The following SLC4A4 variants were observed in gnomAD, a reference collection of about 807,000 sequenced individuals.
SLC4A4 encodes electrogenic sodium bicarbonate cotransporter 1.
In SLC4A4, 27 loss-of-function variants were observed where a neutral mutation model predicts 111.5. The ratio of observed to expected loss-of-function variants is 0.24; its 90% CI spans 0.18 to 0.33. SLC4A4 has a LOEUF of 0.33. Among genes scored for constraint, SLC4A4 ranks in the 10% least tolerant of loss-of-function variants. The pLI is 1.00. For synonymous variants in SLC4A4, 443 were observed against 463.4 expected, an observed-to-expected ratio of 0.96 and a Z score of 0.57; for missense variants, 909 against 1,315.5, an observed-to-expected ratio of 0.69 and a Z score of 4.78.
At chr4:71,311,505 G>A (rs1019727600) in intron 3 of SLC4A4, among the ~76,000 whole-genome samples, 1 of 152,148 alleles carries the variant, frequency 6.6e-6, no homozygotes, top group Admixed American at 6.5e-5. Flanking sequence ...AGACCACAGT[G>A]CAATCAAATT....
In SLC4A4 at chr4:71,429,232, G is replaced by T. The variant is rs139776967; in HGVS notation, c.808-11384G>T. ...TGAACTGCTTTCATAGAAGGCAGAA[G>T]AATCCAAGACCTGAGTGGAGTGTGA... On this transcript the variant is annotated intron_variant, in intron 7 of 25. Coordinates refer to ENST00000264485, the MANE Select transcript of SLC4A4 (RefSeq NM_001098484.3). 2.1e-3 allele frequency among the ~76,000 whole-genome samples: 324 copies of T among 152,194 alleles called. 3 individuals are homozygous for T. Among genetic ancestry groups the T allele is most frequent in the African/African-American group, 7.2e-3 (299 of 41,556 alleles).
At chr4:71,158,807 G>A (rs916837983) in intron 2 of SLC4A4, among the ~76,000 whole-genome samples, 89 of 152,232 alleles carry the variant, frequency 5.8e-4, no homozygotes, top group African/African-American at 2.0e-3. Flanking sequence ...AAGTATGTGT[G>A]GGCCACCAGC....
At chr4:71,255,521 T>C (rs1364546971) in intron 3 of SLC4A4, 122 bp downstream of exon 3, 1 of 1,030,466 alleles carries the variant, frequency 9.7e-7, no homozygotes, top group African/African-American at 1.6e-5. Flanking sequence ...GTTTAGAATC[T>C]GTTCTAAAGG....
intron 6 of SLC4A4, among the ~76,000 whole-genome samples, chr4:71,374,338 A>C (rs965288915): frequency 1.3e-5 from 2 of 152,330 alleles, no homozygotes; most frequent in South Asian, 4.1e-4. Flanking sequence ...TTCCAAGTAC[A>C]ACTTTAAAAA....
chr4:71,074,074 G>A (rs1283898008), intron 1 of SLC4A4, among the ~76,000 whole-genome samples: 1 of 152,128 alleles, frequency 6.6e-6, no homozygotes, highest in Non-Finnish European at 1.5e-5. Context: ...TACTATAAGA[G>A]AGATTTGCTT....
intron 1 of SLC4A4, among the ~76,000 whole-genome samples, chr4:71,091,331 C>T (rs1238352582): frequency 1.3e-5 from 2 of 150,348 alleles, no homozygotes; most frequent in Non-Finnish European, 2.9e-5. Flanking sequence ...TGGCTCACTG[C>T]AAGCTCCGCA....
intron 15 of SLC4A4, among the ~76,000 whole-genome samples, chr4:71,489,376 G>C (rs1001852881): frequency 6.6e-6 from 1 of 151,738 alleles, no homozygotes; most frequent in African/African-American, 2.4e-5. Flanking sequence ...CAGACTGCCT[G>C]GTTCAAGTGC....
At chr4:71,439,385 G>GCCACTGCA (rs1724471882) in intron 7 of SLC4A4, among the ~76,000 whole-genome samples, 1 of 119,014 alleles carries the variant, frequency 8.4e-6, no homozygotes. Flanking sequence ...CCGAGATCGC[G>GCCACTGCA]CCACTGCACC....
At chr4:71,198,724 G>T (rs1746120253) in intron 1 of SLC4A4, among the ~76,000 whole-genome samples, 1 of 152,192 alleles carries the variant, frequency 6.6e-6, no homozygotes, top group African/African-American at 2.4e-5. Context: ...GCTTTAGGAG[G>T]CTGAGGCAGG....
At chr4:71,130,693 A>G (rs930550122) in intron 2 of SLC4A4, among the ~76,000 whole-genome samples, 19 of 152,102 alleles carry the variant, frequency 1.2e-4, no homozygotes, top group African/African-American at 4.6e-4. Context: ...TTATTGTATT[A>G]TTTGTTGTAA....
chr4:71,164,254 G>A (rs916401496), intron 2 of SLC4A4, among the ~76,000 whole-genome samples: 4 of 152,038 alleles, frequency 2.6e-5, no homozygotes, highest in Admixed American at 1.3e-4. Context: ...GGTGACGCAT[G>A]ACTGTAATCC....
intron 7 of SLC4A4, among the ~76,000 whole-genome samples, chr4:71,413,053 T>G (rs1721509124): frequency 6.6e-6 from 1 of 152,188 alleles, no homozygotes; most frequent in Admixed American, 6.5e-5. Context: ...TCAACCAAAC[T>G]TCTGTATAGT....
intron 3 of SLC4A4, among the ~76,000 whole-genome samples, chr4:71,259,624 C>T (rs180974541): frequency 6.6e-6 from 1 of 152,008 alleles, no homozygotes; most frequent in East Asian, 1.9e-4. Flanking sequence ...ATCCTTTTGC[C>T]TCCTCCACTG....
intron 8 of SLC4A4, among the ~76,000 whole-genome samples, chr4:71,447,417 G>T (rs1725336607): frequency 6.6e-6 from 1 of 152,110 alleles, no homozygotes. Flanking sequence ...AGCTTCTCAG[G>T]TTTCTATGCT....
chr4:71,214,890 G>A lies in SLC4A4; in HGVS notation c.-1-21686G>A, dbSNP rs142713426. On this transcript the variant is annotated intron_variant, in intron 1 of 25. Coordinates refer to ENST00000264485, the MANE Select transcript of SLC4A4 (RefSeq NM_001098484.3). The stretch of plus-strand genomic sequence containing the variant: ...TTTAGAACCATGAGGATTCACAGTT[G>A]ATGCAGTAGTAGCTTTATGCATTAT... Among the ~76,000 whole-genome samples the A allele has an allele frequency of 3.4e-3, 514 of 152,296 alleles. 1 individual carries two copies. Among genetic ancestry groups the A allele is most frequent in the Middle Eastern group, 6.8e-3 (2 of 294 alleles).
In SLC4A4 at chr4:71,420,354, C is replaced by G. The variant is rs1039422469; in HGVS notation, c.808-20262C>G. On this transcript the variant is annotated intron_variant, in intron 7 of 25. Transcript: ENST00000264485. Reference sequence around the variant, plus strand: ...GACTATGTGAAAAGACCAAATCTATCTCTGATTGGTGTACCTGAAAGTGAT... The same window carrying G: ...GACTATGTGAAAAGACCAAATCTATGTCTGATTGGTGTACCTGAAAGTGAT... 5.9e-5 allele frequency among the ~76,000 whole-genome samples: 9 copies of G among 151,628 alleles called. No homozygotes were observed. The South Asian group carries it at 1.3e-3, about 21-fold the overall frequency.
intron 5 of SLC4A4, among the ~76,000 whole-genome samples, chr4:71,353,118 T>C (rs1729988533): frequency 1.3e-5 from 2 of 152,236 alleles, no homozygotes; most frequent in Non-Finnish European, 2.9e-5. Context: ...TGGTACTTAC[T>C]ACATATAAGA....
intron 18 of SLC4A4, among the ~76,000 whole-genome samples, chr4:71,538,915 G>A (rs1734799747): frequency 6.6e-6 from 1 of 152,040 alleles, no homozygotes; most frequent in South Asian, 2.1e-4. Flanking sequence ...CTGAGTCATT[G>A]GCAGAAGAAG....
intron 2 of SLC4A4, among the ~76,000 whole-genome samples, chr4:71,111,367 T>TA (rs1321287532): frequency 6.6e-6 from 1 of 152,064 alleles, no homozygotes; most frequent in African/African-American, 2.4e-5. Flanking sequence ...TTAATCTCTA[T>TA]TTATTTATTT....
Sources: gnomAD v4.1 joint callset for allele counts (sites outside exome capture counted in the v4.1 genomes callset) on GRCh38, gnomAD v4.1.1 for gene constraint, MANE v1.5 for transcripts, NCBI Gene and HGNC (gene_info 2026-07-23, HGNC 2026-07-21) for gene names.